CDS1: variants seen among roughly 807,000 people sequenced by gnomAD.
CDS1 encodes the protein CDP-diacylglycerol synthase 1.
In CDS1, 41 loss-of-function variants were observed where a neutral mutation model predicts 62.1. The observed-to-expected ratio is 0.66, with a 90% CI of 0.51 to 0.86. CDS1 has a LOEUF of 0.86. Ranked by LOEUF, CDS1 falls within the 40% of genes least tolerant of loss-of-function variation. The probability of loss-of-function intolerance (pLI) is 0.00; values close to 1 mark genes in which losing one functional copy is unlikely to be tolerated. For missense variants in CDS1, 470 were observed against 550.1 expected (o/e 0.85, Z 1.46); for synonymous variants, 185 against 192.6 (o/e 0.96, Z 0.32).
At chr4:84,591,200 A>G (rs1032793735) in intron 1 of CDS1, among the ~76,000 whole-genome samples, 7 of 152,316 alleles carry the variant, frequency 4.6e-5, no homozygotes, top group Non-Finnish European at 7.3e-5. Flanking sequence ...TTTTTGTAAA[A>G]TAGACTCTCA....
chr4:84,622,834 T>C (rs17376048), intron 5 of CDS1, among the ~76,000 whole-genome samples: 10,995 of 152,220 alleles, frequency 0.072, 679 homozygotes, highest in African/African-American at 0.17. Context: ...CTTCTTCATA[T>C]TCAGTTTTTT....
chr4:84,637,276 C>T (rs982393936), intron 8 of CDS1, among the ~76,000 whole-genome samples: 4 of 152,156 alleles, frequency 2.6e-5, no homozygotes, highest in Non-Finnish European at 5.9e-5. Context: ...GAGAAGTTTT[C>T]GGCTTGGGAA....
chr4:84,640,998 A>G lies in CDS1; in HGVS notation c.1032+8A>G. ...AAGGCAGTCTTGAGACAGGTACAGTAAAAGTTCAAGATAAACATGGTTAGA... is the reference window on the plus strand; with the variant it reads ...AAGGCAGTCTTGAGACAGGTACAGTGAAAGTTCAAGATAAACATGGTTAGA... On this transcript the variant is annotated splice_region_variant and intron_variant, in intron 10 of 12. Coordinates refer to ENST00000295887, the MANE Select transcript of CDS1 (RefSeq NM_001263.4). 2 of 1,539,936 alleles carry G rather than the reference A, an allele frequency of 1.3e-6. No individual in the cohort carries two copies. The highest frequency in any genetic ancestry group is 8.7e-7 in the Non-Finnish European group (1 of 1,144,104).
chr4:84,603,195 T>G (rs1722989293), intron 1 of CDS1, among the ~76,000 whole-genome samples: 1 of 152,338 alleles, frequency 6.6e-6, no homozygotes, highest in South Asian at 2.1e-4. Flanking sequence ...AGGGCTGAGT[T>G]TGGATTGAGA....
intron 2 of CDS1, among the ~76,000 whole-genome samples, chr4:84,604,893 C>T (rs1490701475): frequency 6.6e-6 from 1 of 152,144 alleles, no homozygotes; most frequent in Non-Finnish European, 1.5e-5. Flanking sequence ...GCTGGGATTA[C>T]AGGCGTGAAA....
chr4:84,599,990 A>G lies in CDS1; in HGVS notation c.118-4253A>G, dbSNP rs149751420. On this transcript the variant is annotated intron_variant, in intron 1 of 12. Coordinates refer to ENST00000295887, the MANE Select transcript of CDS1 (RefSeq NM_001263.4). ...TTCCAAACTGGTTGTACTGTTTTAC[A>G]TTCTCACCGGCAGTGCGCAAGCCTT... Among the ~76,000 whole-genome samples, 1,078 of 152,294 alleles carry G rather than the reference A, an allele frequency of 7.1e-3. 9 individuals are homozygous for G. Among genetic ancestry groups the G allele is most frequent in the Middle Eastern group, 0.024 (7 of 294 alleles).
chr4:84,588,693 G>A lies in CDS1; in HGVS notation c.117+5175G>A, dbSNP rs536747432. On this transcript the variant is annotated intron_variant, in intron 1 of 12. Coordinates refer to ENST00000295887, the MANE Select transcript of CDS1 (RefSeq NM_001263.4). The stretch of plus-strand genomic sequence containing the variant: ...GATGGGGGGGCCACAGGAGTTGCTG[G>A]TTTGGGAGGAGTTATCCAGTCATCA... Among the ~76,000 whole-genome samples, 6 of 152,236 alleles carry A rather than the reference G, an allele frequency of 3.9e-5. No homozygotes were observed. The East Asian group carries it at 1.2e-3, about 29-fold the overall frequency.
At chr4:84,587,251 A>G (rs1411629901) in intron 1 of CDS1, among the ~76,000 whole-genome samples, 1 of 152,148 alleles carries the variant, frequency 6.6e-6, no homozygotes, top group Non-Finnish European at 1.5e-5. Context: ...TATATATACA[A>G]TTAAATTTTA....
chr4:84,584,096 G>A (rs945383624), intron 1 of CDS1, among the ~76,000 whole-genome samples: 15 of 152,120 alleles, frequency 9.9e-5, no homozygotes, highest in African/African-American at 3.6e-4. Context: ...CTTCTTTTGA[G>A]TACACGACAG....
chr4:84,600,630 T>G (rs1722908057), intron 1 of CDS1, among the ~76,000 whole-genome samples: 1 of 152,242 alleles, frequency 6.6e-6, no homozygotes, highest in South Asian at 2.1e-4. Flanking sequence ...TGGACTATTC[T>G]TTTCCATTGA....
In CDS1 at chr4:84,585,195, A is replaced by G. The variant is rs1722377735; in HGVS notation, c.117+1677A>G. Among the ~76,000 whole-genome samples the G allele has an allele frequency of 2.0e-5, 3 of 152,296 alleles. No individual in the cohort carries two copies. The East Asian group carries it at 5.8e-4, about 29-fold the overall frequency. The stretch of plus-strand genomic sequence containing the variant: ...CTGTTGTCTCTAGCTATCTGTGACT[A>G]GGTTACCTCGCTGCATATTTATTTA... On this transcript the variant is annotated intron_variant, in intron 1 of 12. Coordinates refer to ENST00000295887, the MANE Select transcript of CDS1 (RefSeq NM_001263.4).
intron 2 of CDS1, among the ~76,000 whole-genome samples, chr4:84,606,183 A>C (rs1232416063): frequency 3.3e-5 from 5 of 152,162 alleles, no homozygotes; most frequent in African/African-American, 7.2e-5. Flanking sequence ...CATAGGATTA[A>C]AAATAGTAAT....
intron 5 of CDS1, among the ~76,000 whole-genome samples, chr4:84,630,329 G>A (rs1158957253): frequency 1.3e-5 from 2 of 152,088 alleles, no homozygotes; most frequent in Non-Finnish European, 1.5e-5. Context: ...CAGAAAATGT[G>A]TCCCTATTGC....
At chr4:84,641,256 G>A (rs369035778) in intron 10 of CDS1, among the ~76,000 whole-genome samples, 273 of 152,144 alleles carry the variant, frequency 1.8e-3, no homozygotes, top group African/African-American at 6.3e-3. Flanking sequence ...AAGTAGAGAC[G>A]GGTGTTGCTA....
In CDS1 at chr4:84,604,276, G is replaced by T; in HGVS notation, c.151G>T (p.Asp51Tyr). ...TATTGATGACAGATATGGAGATTTGGATTCCAGAACAGATTCTGATATTCC... is the reference window on the plus strand; with the variant it reads ...TATTGATGACAGATATGGAGATTTGTATTCCAGAACAGATTCTGATATTCC... ...TDIDDRYGDL[D>Y]SRTDSDIPEI... The change falls in exon 2 of 13, where the codon GAT becomes TAT. Residue 51 changes from aspartate to tyrosine, a missense_variant. Physicochemically the swap from Asp to Tyr is radical, Grantham distance 160. Around this residue, in one of 5 missense-constraint regions of CDS1, gnomAD observed 150 missense variants for 142.0 expected, o/e 1.06. Transcript: ENST00000295887. 4 of 1,611,708 alleles carry T rather than the reference G, an allele frequency of 2.5e-6. No individual in the cohort carries two copies. Among genetic ancestry groups the T allele is most frequent in the Non-Finnish European group, 3.4e-6 (4 of 1,178,510 alleles).
At position 84,609,449 on chromosome 4, in the gene CDS1, G is replaced by T. The variant is rs1234004537; in HGVS notation, c.266G>T (p.Arg89Leu). 2 of 1,607,494 alleles carry T rather than the reference G, an allele frequency of 1.2e-6. No individual in the cohort carries two copies. The highest frequency in any genetic ancestry group is 1.7e-6 in the Non-Finnish European group (2 of 1,174,306). The change falls in exon 3 of 13, where the codon CGT becomes CTT. Residue 89 changes from arginine (R) to leucine (L), a missense_variant. Around this residue, in one of 5 missense-constraint regions of CDS1, gnomAD observed 150 missense variants for 142.0 expected, o/e 1.06. Coordinates refer to ENST00000295887, the MANE Select transcript of CDS1 (RefSeq NM_001263.4). Reference protein sequence around the residue: ...LSSRWKNWWIRGILTLTMISL... With the variant: ...LSSRWKNWWILGILTLTMISL... ...TGTAGGTGGAAAAACTGGTGGATAC[G>T]TGGAATTCTCACTCTAACTATGATC...
At chr4:84,624,921 C>T (rs1430414118) in intron 5 of CDS1, among the ~76,000 whole-genome samples, 8 of 151,926 alleles carry the variant, frequency 5.3e-5, no homozygotes, top group Admixed American at 5.2e-4. Flanking sequence ...AGTGCAGTGG[C>T]GCGATCTCGG....
chr4:84,602,205 C>G (rs568810403), intron 1 of CDS1, among the ~76,000 whole-genome samples: 11 of 152,074 alleles, frequency 7.2e-5, no homozygotes, highest in Non-Finnish European at 1.6e-4. Flanking sequence ...GTCTTGTATT[C>G]TTTAATTACT....
intron 1 of CDS1, 102 bp from the exon 2 acceptor site, chr4:84,604,141 A>G (rs1723019339): frequency 1.1e-6 from 1 of 934,356 alleles, no homozygotes. Flanking sequence ...GTTTCAGATT[A>G]TGTCACTGAG....
Sources: gnomAD v4.1 joint callset for allele counts (sites outside exome capture counted in the v4.1 genomes callset) on GRCh38, gnomAD v4.1.1 for gene constraint, gnomAD v4.1.1 regional missense constraint, MANE v1.5 for transcripts, NCBI Gene and HGNC (gene_info 2026-07-23, HGNC 2026-07-21) for gene names.